The following SGTB variants were observed in gnomAD, a reference collection of about 807,000 sequenced individuals.
The protein encoded by SGTB is small glutamine rich tetratricopeptide repeat co-chaperone beta.
A neutral mutation model predicts 43.9 loss-of-function variants in SGTB; 19 were observed. The observed-to-expected ratio is 0.43, with a 90% CI of 0.30 to 0.63. The LOEUF is 0.63. SGTB is among the 30% of genes least tolerant of loss of function. SGTB has a pLI of 0.12. For synonymous variants in SGTB, 116 were observed against 117.3 expected (o/e 0.99, Z 0.07); for missense variants, 304 against 358.9 (o/e 0.85, Z 1.24).
At chr5:65,716,726 C>T (rs574205819) in intron 2 of SGTB, among the ~76,000 whole-genome samples, 10 of 151,590 alleles carry the variant, frequency 6.6e-5, no homozygotes, top group Middle Eastern at 3.4e-3. Context: ...ATTTGGGATG[C>T]CTATTAGACA....
At chr5:65,689,027 G>T (rs947129838) in intron 5 of SGTB, among the ~76,000 whole-genome samples, 1 of 151,868 alleles carries the variant, frequency 6.6e-6, no homozygotes, top group South Asian at 2.1e-4. Context: ...AGCCAGGATG[G>T]TCTCGATCTC....
intron 5 of SGTB, among the ~76,000 whole-genome samples, chr5:65,689,522 A>G (rs1757565531): frequency 6.6e-6 from 1 of 152,198 alleles, no homozygotes; most frequent in Non-Finnish European, 1.5e-5. Context: ...TAAACCAATT[A>G]TATTGGTTTA....
chr5:65,679,943 G>C (rs756917548), intron 8 of SGTB, among the ~76,000 whole-genome samples: 2 of 152,198 alleles, frequency 1.3e-5, no homozygotes, highest in Non-Finnish European at 2.9e-5. Flanking sequence ...ACTGGATAAA[G>C]AAAATGCGGT....
intron 1 of SGTB, among the ~76,000 whole-genome samples, chr5:65,721,670 G>C (rs1464061856): frequency 6.6e-6 from 1 of 152,158 alleles, no homozygotes; most frequent in Non-Finnish European, 1.5e-5. Context: ...TCTAGGCCAC[G>C]GGGTCATAAG....
chr5:65,682,451 C>A (rs761557190), intron 6 of SGTB, among the ~76,000 whole-genome samples: 17 of 152,104 alleles, frequency 1.1e-4, no homozygotes, highest in African/African-American at 4.1e-4. Flanking sequence ...GCAGGGAGAT[C>A]GGTTAGGAAG....
intron 8 of SGTB, among the ~76,000 whole-genome samples, chr5:65,679,201 A>G (rs898996693): frequency 6.6e-6 from 1 of 152,262 alleles, no homozygotes. Flanking sequence ...GACAATTCTC[A>G]AAAGAAGACA....
At chr5:65,708,423 T>G in intron 4 of SGTB, 66 bp downstream of exon 4, 3 of 1,363,924 alleles carry the variant, frequency 2.2e-6, no homozygotes, top group Non-Finnish European at 3.1e-6. Flanking sequence ...CTATATCAAT[T>G]GACAGTAATT....
intron 6 of SGTB, among the ~76,000 whole-genome samples, chr5:65,683,648 C>T (rs1757441712): frequency 6.9e-6 from 1 of 144,342 alleles, no homozygotes; most frequent in Admixed American, 6.8e-5. Context: ...TGTCAGGATC[C>T]TAGAGAGTGA....
At chr5:65,721,319 A>G (rs1474449500) in intron 1 of SGTB, among the ~76,000 whole-genome samples, 1 of 152,244 alleles carries the variant, frequency 6.6e-6, no homozygotes, top group Non-Finnish European at 1.5e-5. Context: ...GCGAAAGGTT[A>G]TTCAAGTGGT....
chr5:65,720,932 T>C, intron 1 of SGTB, 103 bp from the exon 2 acceptor site: 27 of 1,246,924 alleles, frequency 2.2e-5, no homozygotes, highest in Non-Finnish European at 2.9e-5. Context: ...GTATTAAAGG[T>C]AAAAACAAAA....
At chr5:65,703,436 T>A (rs754650228) in intron 5 of SGTB, among the ~76,000 whole-genome samples, 7 of 152,220 alleles carry the variant, frequency 4.6e-5, no homozygotes, top group Non-Finnish European at 7.3e-5. Flanking sequence ...ACGAGTGTGG[T>A]GGCTCATGCT....
At chr5:65,705,475 G>C (rs1055762430) in intron 4 of SGTB, among the ~76,000 whole-genome samples, 24 of 151,858 alleles carry the variant, frequency 1.6e-4, no homozygotes, top group African/African-American at 5.6e-4. Context: ...AAAAGAAAAA[G>C]AAAATATTAG....
At chr5:65,680,873 T>C in intron 6 of SGTB, 79 bp from the exon 7 acceptor site, 2 of 1,437,118 alleles carry the variant, frequency 1.4e-6, no homozygotes, top group South Asian at 2.6e-5. Flanking sequence ...CAAACGTCTG[T>C]CTGTCTTGGT....
intron 8 of SGTB, among the ~76,000 whole-genome samples, chr5:65,673,074 G>A (rs552730145): frequency 1.3e-5 from 2 of 152,226 alleles, no homozygotes; most frequent in Admixed American, 1.3e-4. Flanking sequence ...TTCTGCAGCA[G>A]TAGTTCTTCC....
chr5:65,678,237 C>T (rs759886696), intron 8 of SGTB, among the ~76,000 whole-genome samples: 3 of 152,118 alleles, frequency 2.0e-5, no homozygotes, highest in African/African-American at 7.2e-5. Context: ...CAAATGAACT[C>T]GCATTCACAA....
rs1392809094 is a variant in SGTB at position 65,668,831 on chromosome 5, C to A, written c.*1415G>T. ...CTTAAGGCTCGAGAATCACTTGAATCCAGGAGGTGGAGGTTGCAGTGAGCT... is the reference window on the plus strand; with the variant it reads ...CTTAAGGCTCGAGAATCACTTGAATACAGGAGGTGGAGGTTGCAGTGAGCT... On this transcript the variant is annotated 3_prime_UTR_variant, in exon 11 of 11. Coordinates refer to ENST00000381007, the MANE Select transcript of SGTB (RefSeq NM_019072.3). 2 of 151,918 alleles carry A rather than the reference C, an allele frequency of 1.3e-5. No individual in the cohort carries two copies. Among genetic ancestry groups the A allele is most frequent in the Non-Finnish European group, 2.9e-5 (2 of 68,006 alleles). 9.4% of individuals were successfully genotyped at this position (151,918 alleles called of 1,614,324 possible).
intron 4 of SGTB, among the ~76,000 whole-genome samples, chr5:65,705,169 G>A (rs1480157638): frequency 6.6e-6 from 1 of 152,204 alleles, no homozygotes; most frequent in African/African-American, 2.4e-5. Flanking sequence ...ATGTCTGGGC[G>A]TGGTGGCTTA....
chr5:65,687,822 G>A (rs956744965), intron 5 of SGTB, among the ~76,000 whole-genome samples: 1 of 150,884 alleles, frequency 6.6e-6, no homozygotes, highest in African/African-American at 2.5e-5. Flanking sequence ...AGGCTGGACT[G>A]CAGTGGCGCG....
At position 65,670,286 on chromosome 5, in the gene SGTB, C is replaced by T. The variant is rs770647638; in HGVS notation, c.875G>A (p.Arg292Gln). ...AGCGCTGCTGCTGAATGATCTGCTC[C>T]GGATGTGATTTCTCAGTTGCTCTAT... ...ELIEQLRNHI[R>Q]SRSFSSSAEE... Residue 292 changes from arginine to glutamine, a missense_variant, in exon 11 of 11, where the codon CGG (arginine) becomes CAG (glutamine). Transcript: ENST00000381007. 23 of 1,613,990 alleles carry T rather than the reference C, an allele frequency of 1.4e-5. No homozygotes were observed. Among genetic ancestry groups the T allele is most frequent in the Non-Finnish European group, 1.5e-5 (18 of 1,180,004 alleles).
Sources: allele counts gnomAD v4.1 joint callset (sites outside exome capture counted in the v4.1 genomes callset), GRCh38; gene constraint gnomAD v4.1.1; transcripts MANE v1.5; gene names NCBI Gene and HGNC (gene_info 2026-07-23, HGNC 2026-07-21).